The following PRR16 variants were observed in gnomAD, a reference collection of about 807,000 sequenced individuals.
PRR16 encodes protein Largen.
A neutral mutation model predicts 18.2 loss-of-function variants in PRR16; 6 were observed. The observed-to-expected ratio is 0.33, with a 90% CI of 0.18 to 0.65. PRR16 has a LOEUF of 0.65. Ranked by LOEUF, PRR16 falls within the 30% of genes least tolerant of loss-of-function variation. The probability of loss-of-function intolerance (pLI) is 0.74; values close to 1 mark genes in which losing one functional copy is unlikely to be tolerated. For synonymous variants in PRR16, 151 were observed against 147.8 expected, an observed-to-expected ratio of 1.02 and a Z score of -0.16; for missense variants, 412 against 376.6, an observed-to-expected ratio of 1.09 and a Z score of -0.78.
At chr5:120,538,452 G>A (rs561836389) in intron 1 of PRR16, among the ~76,000 whole-genome samples, 1 of 152,256 alleles carries the variant, frequency 6.6e-6, no homozygotes, top group East Asian at 1.9e-4. Flanking sequence ...GCAAAATTTT[G>A]TGTTGTTAAA....
At chr5:120,595,963 G>C (rs1753800924) in intron 1 of PRR16, among the ~76,000 whole-genome samples, 1 of 151,812 alleles carries the variant, frequency 6.6e-6, no homozygotes. Flanking sequence ...TTCAGTTTGA[G>C]GTTTTCATAG....
chr5:120,543,001 G>A (rs1416082377), intron 1 of PRR16, among the ~76,000 whole-genome samples: 1 of 152,104 alleles, frequency 6.6e-6, no homozygotes, highest in Non-Finnish European at 1.5e-5. Context: ...TTTAGAATAG[G>A]TAAGAATAGA....
intron 1 of PRR16, among the ~76,000 whole-genome samples, chr5:120,517,898 G>A (rs980803776): frequency 6.6e-6 from 1 of 152,104 alleles, no homozygotes; most frequent in Non-Finnish European, 1.5e-5. Context: ...TGAGATCTAC[G>A]AGGACTTCCT....
downstream of PRR16, among the ~76,000 whole-genome samples, chr5:120,690,435 C>A (rs1421829817): frequency 1.3e-5 from 2 of 152,124 alleles, no homozygotes; most frequent in African/African-American, 2.4e-5. Flanking sequence ...AATTCTCTGT[C>A]CCCAGCACAT....
chr5:120,659,820 G>T (rs1756114478), intron 1 of PRR16, among the ~76,000 whole-genome samples: 2 of 151,950 alleles, frequency 1.3e-5, no homozygotes, highest in Middle Eastern at 3.2e-3. Context: ...AACTTGCAGT[G>T]GTTTGAGAAT....
In PRR16 at chr5:120,586,501, G is replaced by A. The variant is rs553117465; in HGVS notation, c.160-99453G>A. Among the ~76,000 whole-genome samples the A allele has an allele frequency of 4.0e-5, 6 of 151,742 alleles. No individual in the cohort carries two copies. The East Asian group carries it at 7.8e-4, about 20-fold the overall frequency. On this transcript the variant is annotated intron_variant, in intron 1 of 1. Transcript: ENST00000407149. The stretch of plus-strand genomic sequence containing the variant: ...GTCAGCACTTTTTTTTTCTAACAGC[G>A]TGTGCTTACTTTGTATTTCTCTGTC...
rs143187083 is a variant in PRR16 at position 120,479,281 on chromosome 5, G to A, written c.159+14636G>A. On this transcript the variant is annotated intron_variant, in intron 1 of 1. Transcript: ENST00000407149. ...AGTCATGCGAGGCCTTTTCATATGC[G>A]TTTTCAATCTGTCCACTTCAATCAG... 4.3e-3 allele frequency among the ~76,000 whole-genome samples: 655 copies of A among 152,126 alleles called. 8 individuals are homozygous for A. The highest frequency in any genetic ancestry group is 0.015 in the African/African-American group (636 of 41,504).
chr5:120,578,419 C>T (rs1753152199), intron 1 of PRR16, among the ~76,000 whole-genome samples: 1 of 152,016 alleles, frequency 6.6e-6, no homozygotes, highest in Non-Finnish European at 1.5e-5. Flanking sequence ...CCGAAAAGGC[C>T]CTGGTTTGTG....
At chr5:120,688,440 T>G (rs962106875), downstream of PRR16, among the ~76,000 whole-genome samples, 8 of 152,212 alleles carry the variant, frequency 5.3e-5, no homozygotes, top group Non-Finnish European at 1.5e-5. Context: ...GTTATCTGTA[T>G]TATTAATATG....
chr5:120,690,170 C>G, downstream of PRR16, among the ~76,000 whole-genome samples: 1 of 152,108 alleles, frequency 6.6e-6, no homozygotes, highest in East Asian at 1.9e-4. Flanking sequence ...TTTCTGTGGA[C>G]AGATCAGCAT....
chr5:120,678,363 C>A (rs1756872329), intron 1 of PRR16, among the ~76,000 whole-genome samples: 2 of 152,112 alleles, frequency 1.3e-5, no homozygotes, highest in Admixed American at 1.3e-4. Flanking sequence ...CAGACCTAAC[C>A]ATGGAAAGCT....
the PRR16 span, among the ~76,000 whole-genome samples, chr5:120,750,538 A>G: frequency 6.6e-6 from 1 of 151,868 alleles, no homozygotes; most frequent in Non-Finnish European, 1.5e-5. Context: ...GTGGTGGCGC[A>G]TACCTGTAAT....
chr5:120,643,294 A>T (rs1329788387), intron 1 of PRR16, among the ~76,000 whole-genome samples: 1 of 152,044 alleles, frequency 6.6e-6, no homozygotes, highest in African/African-American at 2.4e-5. Context: ...ATTATGAGTT[A>T]AGTCGTTTGA....
At chr5:120,520,312 TTGAACCTAGGAGG>T (rs1751131541) in intron 1 of PRR16, among the ~76,000 whole-genome samples, 1 of 152,060 alleles carries the variant, frequency 6.6e-6, no homozygotes, top group South Asian at 2.1e-4. Flanking sequence ...GGAGAATCGC[TTGAACCTAGGAGG>T]TGGAGGTTGC....
chr5:120,487,566 C>G (rs569096423), intron 1 of PRR16, among the ~76,000 whole-genome samples: 294 of 152,202 alleles, frequency 1.9e-3, no homozygotes, highest in Middle Eastern at 0.01. Flanking sequence ...ATGGGGTTTT[C>G]TAGATATACA....
At chr5:120,779,981 A>G in the PRR16 span, among the ~76,000 whole-genome samples, 7 of 152,172 alleles carry the variant, frequency 4.6e-5, no homozygotes, top group African/African-American at 1.7e-4. Context: ...CTCTTTATAA[A>G]GGGGAAATAA....
At position 120,686,543 on chromosome 5, in the gene PRR16, C is replaced by G. The variant is rs1467025966; in HGVS notation, c.749C>G (p.Pro250Arg). 5 of 1,613,562 alleles carry G rather than the reference C, an allele frequency of 3.1e-6. No homozygotes were observed. Among genetic ancestry groups the G allele is most frequent in the Non-Finnish European group, 4.2e-6 (5 of 1,179,888 alleles). The change falls in exon 2 of 2, where the codon CCC becomes CGC. Residue 250 changes from proline (P) to arginine (R), a missense_variant. Transcript: ENST00000407149. ...GGAAAGATTCCTCACCAAGGCCCTCCCCTCCCTCCTACACCCCATCTCCCT... is the reference window on the plus strand; with the variant it reads ...GGAAAGATTCCTCACCAAGGCCCTCGCCTCCCTCCTACACCCCATCTCCCT... ...PPGKIPHQGP[P>R]LPPTPHLPPF...
At chr5:120,532,512 C>T (rs1751584375) in intron 1 of PRR16, among the ~76,000 whole-genome samples, 1 of 151,960 alleles carries the variant, frequency 6.6e-6, no homozygotes, top group Admixed American at 6.6e-5. Flanking sequence ...TTTGTTGAAT[C>T]TTATATGACA....
chr5:120,702,182 A>T, the PRR16 span, among the ~76,000 whole-genome samples: 1 of 150,090 alleles, frequency 6.7e-6, no homozygotes, highest in African/African-American at 2.5e-5. Flanking sequence ...TGCAGAGATA[A>T]GAGGTTGGGG....
Sources: gnomAD v4.1 joint callset for allele counts (sites outside exome capture counted in the v4.1 genomes callset) on GRCh38, gnomAD v4.1.1 for gene constraint, MANE v1.5 for transcripts, NCBI Gene and HGNC (gene_info 2026-07-23, HGNC 2026-07-21) for gene names.